The following PTGFRN variants were observed in gnomAD, a reference collection of about 807,000 sequenced individuals.
PTGFRN encodes prostaglandin F2 receptor inhibitor, also known as prostaglandin F2 receptor negative regulator.
Under a neutral mutation model 83.2 loss-of-function variants are expected in PTGFRN, and 35 were observed. The ratio of observed to expected loss-of-function variants is 0.42; its 90% CI spans 0.32 to 0.56. The LOEUF is 0.56. PTGFRN is among the 20% of genes least tolerant of loss of function. PTGFRN has a pLI of 0.11. For missense variants in PTGFRN, 1,051 were observed against 1,179.5 expected (o/e 0.89, Z 1.60); for synonymous variants, 519 against 498.6 (o/e 1.04, Z -0.55).
At position 116,986,839 on chromosome 1, in the gene PTGFRN, G is replaced by C. The variant is rs567014566; in HGVS notation, c.2512G>C (p.Gly838Arg). The C allele has an allele frequency of 6.2e-7, 1 of 1,614,128 alleles. No individual in the cohort carries two copies. The highest frequency in any genetic ancestry group is 1.7e-5 in the Admixed American group (1 of 60,032). ...AFKYPLLIGVGLSTVIGLLSC... is the reference protein window; with the variant it reads ...AFKYPLLIGVRLSTVIGLLSC... ...CAAGTATCCCTTGCTGATCGGCGTC[G>C]GTCTGTCCACGGTCATCGGGCTCCT... The change falls in exon 9 of 9, where the codon GGT (glycine) becomes CGT (arginine). Residue 838 changes from glycine (G) to arginine (R), a missense_variant. Transcript: ENST00000393203.
Position 116,975,047 on chromosome 1 carries a change from G to T in PTGFRN, c.2167+724G>T, listed in dbSNP as rs557886308. ...ACCCTAATACTGCGCTTTTCCTATG[G>T]TCTTAGCAAACGGCACACCAGGAGA... On this transcript the variant is annotated intron_variant, in intron 7 of 8. Transcript: ENST00000393203. Among the ~76,000 whole-genome samples, 11 of 152,342 alleles carry T rather than the reference G, an allele frequency of 7.2e-5. No individual in the cohort carries two copies. In the South Asian group the frequency reaches 2.3e-3, roughly 32 times the overall value.
chr1:116,911,827 C>T (rs1649280010), intron 1 of PTGFRN, among the ~76,000 whole-genome samples: 1 of 152,188 alleles, frequency 6.6e-6, no homozygotes, highest in Non-Finnish European at 1.5e-5. Context: ...TTAATCTTTA[C>T]TTTTCACTCT....
rs1012111337 is a variant in PTGFRN, at chr1:116,987,033, A to G, written c.*66A>G. On this transcript the variant is annotated 3_prime_UTR_variant, in exon 9 of 9. Transcript: ENST00000393203. ...CAATTGGGGCAAGAAGAGGACAGTG[A>G]TATTTTAAAACAAAGTGTGTTACAC... The G allele has an allele frequency of 1.9e-6, 3 of 1,578,952 alleles. No homozygotes were observed. The highest frequency in any genetic ancestry group is 2.7e-5 in the African/African-American group (2 of 74,082).
rs1041344620 is a variant in PTGFRN at position 116,961,482 on chromosome 1, G to A, written c.1453G>A (p.Asp485Asn). 6.2e-7 allele frequency: 1 copy of A among 1,614,170 alleles called. No homozygotes were observed. The highest frequency in any genetic ancestry group is 8.5e-7 in the Non-Finnish European group (1 of 1,180,020). Residue 485 changes from aspartate (D) to asparagine (N), a missense_variant, in exon 5 of 9, where the codon GAT becomes AAT. Asp to Asn is a conservative substitution (Grantham distance 23, BLOSUM62 1). This residue lies in a region of PTGFRN where 719 missense variants were observed against 836.6 expected (regional missense o/e 0.86). Coordinates refer to ENST00000393203, the MANE Select transcript of PTGFRN (RefSeq NM_020440.4). The surrounding 1 kb of genome is among the most constrained non-coding windows in gnomAD (Gnocchi z 5.4). ...AGAGAGGAGCAAGCAGCGGGCCCAG[G>A]ATGGAGACTTTATTTTTTCTAAGGA... is the stretch of plus-strand genomic sequence containing the variant. ...YGERSKQRAQ[D>N]GDFIFSKEHT...
intron 7 of PTGFRN, among the ~76,000 whole-genome samples, chr1:116,977,213 A>T (rs1196026550): frequency 6.6e-6 from 1 of 152,204 alleles, no homozygotes; most frequent in Non-Finnish European, 1.5e-5. Flanking sequence ...GAGCACCTAG[A>T]TTCATAAAAC....
rs1650072354 is a variant in PTGFRN, at chr1:116,941,906, C to T, written c.241C>T (p.Gln81Ter). The change falls in exon 2 of 9, where the codon CAG becomes TAG. Residue 81 changes from glutamine (Q) to a stop codon, truncating the protein, a stop_gained. Transcript: ENST00000393203. LOFTEE classifies it high-confidence loss of function. This position sits in a 1 kb window ranked among gnomAD's most constrained non-coding sequence, Gnocchi z 5.0. ...ASTWEVGFPA[Q>*]LYQERLQRGE... ...CACCTGGGAGGTGGGGTTCCCAGCC[C>T]AGCTGTACCAGGAGCGGCTGCAGAG... 1 of 1,614,030 alleles carries T rather than the reference C, an allele frequency of 6.2e-7. No individual in the cohort carries two copies. Among genetic ancestry groups the T allele is most frequent in the African/African-American group, 1.3e-5 (1 of 74,914 alleles).
At chr1:116,935,493 CAG>C (rs1649898822) in intron 1 of PTGFRN, among the ~76,000 whole-genome samples, 1 of 150,914 alleles carries the variant, frequency 6.6e-6, no homozygotes, top group African/African-American at 2.4e-5. Flanking sequence ...AGGGTGGGGG[CAG>C]GGGGTGGGGA....
intron 7 of PTGFRN, among the ~76,000 whole-genome samples, chr1:116,980,798 T>C (rs1017293262): frequency 2.6e-5 from 4 of 152,194 alleles, no homozygotes; most frequent in Admixed American, 2.6e-4. Flanking sequence ...GGCACATGTA[T>C]ACATATGTAA....
At chr1:116,931,607 T>C (rs2478766) in intron 1 of PTGFRN, among the ~76,000 whole-genome samples, 1 of 151,692 alleles carries the variant, frequency 6.6e-6, no homozygotes, top group African/African-American at 2.4e-5. Flanking sequence ...TTCTCTGCTG[T>C]CTATAGCTTG....
rs560280950 is a variant in PTGFRN at position 116,913,696 on chromosome 1, T to C, written c.49+3444T>C. ...ATGTCCCTATTACGAATAGGATATA[T>C]AACTCATACTGGTTGTTTGATACAT... is the stretch of plus-strand genomic sequence containing the variant. On this transcript the variant is annotated intron_variant, in intron 1 of 8. Coordinates refer to ENST00000393203, the MANE Select transcript of PTGFRN (RefSeq NM_020440.4). Among the ~76,000 whole-genome samples the C allele has an allele frequency of 8.5e-5, 13 of 152,362 alleles. No individual in the cohort carries two copies. In the South Asian group the frequency reaches 2.7e-3, roughly 32 times the overall value.
At chr1:116,959,720 TC>T (rs1650593998) in intron 4 of PTGFRN, among the ~76,000 whole-genome samples, 1 of 152,122 alleles carries the variant, frequency 6.6e-6, no homozygotes, top group South Asian at 2.1e-4. Flanking sequence ...GTTCCTGTAA[TC>T]CCAGCACTTT....
At chr1:116,986,751 G>T in intron 8 of PTGFRN, 50 bp from the exon 9 acceptor site, 1 of 1,574,948 alleles carries the variant, frequency 6.3e-7, no homozygotes. Context: ...CCCCCAAAGC[G>T]GCCTCCCTCG....
Position 116,961,125 on chromosome 1 carries a change from C to A in PTGFRN, c.1214-118C>A. On this transcript the variant is annotated intron_variant, in intron 4 of 8. Transcript: ENST00000393203. The surrounding 1 kb of genome is among the most constrained non-coding windows in gnomAD (Gnocchi z 5.4). ...ACGACTGATTTCTGTCTCTCTAGTC[C>A]GGCAGGAGAAGCATTTAATTGTTAA... 9.0e-7 allele frequency: 1 copy of A among 1,111,478 alleles called. No individual in the cohort carries two copies. The highest frequency in any genetic ancestry group is 1.2e-6 in the Non-Finnish European group (1 of 822,856). The allele number at this position is 1,111,478 out of a possible 1,614,324, so 68.9% of individuals were successfully genotyped here.
At chr1:116,947,335 T>G (rs1650226336) in intron 3 of PTGFRN, among the ~76,000 whole-genome samples, 1 of 152,254 alleles carries the variant, frequency 6.6e-6, no homozygotes, top group Non-Finnish European at 1.5e-5. Flanking sequence ...GATTTAGTTA[T>G]ATTCAGGGAC....
chr1:116,955,389 AACC>A (rs1266247236), intron 4 of PTGFRN, among the ~76,000 whole-genome samples: 12 of 152,254 alleles, frequency 7.9e-5, no homozygotes, highest in African/African-American at 2.9e-4. Flanking sequence ...TTGAAGAAAT[AACC>A]ACCAACTTCA....
At position 116,949,203 on chromosome 1, in the gene PTGFRN, G is replaced by C; in HGVS notation, c.844G>C (p.Ala282Pro). The C allele has an allele frequency of 6.3e-7, 1 of 1,586,408 alleles. No homozygotes were observed. The highest frequency in any genetic ancestry group is 8.6e-7 in the Non-Finnish European group (1 of 1,163,022). Residue 282 changes from alanine (A) to proline (P), a missense_variant, in exon 4 of 9, where the codon GCT (alanine) becomes CCT (proline). By Grantham distance (27) the Ala-to-Pro change is conservative (BLOSUM62 -1). Transcript: ENST00000393203. ...TTTTAATTTTCAAGTTCTGCGAGCAGCTGTGCCCAAGAATGTGTCTGTGGC... is the reference window on the plus strand; with the variant it reads ...TTTTAATTTTCAAGTTCTGCGAGCACCTGTGCCCAAGAATGTGTCTGTGGC... ...VVIQPSVLRAAVPKNVSVAEG... is the reference protein window; with the variant it reads ...VVIQPSVLRAPVPKNVSVAEG...
Position 116,986,828 on chromosome 1 carries a change from T to G in PTGFRN, c.2501T>G (p.Leu834Arg). ...DVLNAFKYPL[L>R]IGVGLSTVIG... ...CTGAACGCCTTCAAGTATCCCTTGC[T>G]GATCGGCGTCGGTCTGTCCACGGTC... is the stretch of plus-strand genomic sequence containing the variant. The change falls in exon 9 of 9, where the codon CTG becomes CGG. Residue 834 changes from leucine (L) to arginine (R), a missense_variant. Transcript: ENST00000393203. 6.2e-7 allele frequency: 1 copy of G among 1,614,204 alleles called. No individual in the cohort carries two copies. Among genetic ancestry groups the G allele is most frequent in the Non-Finnish European group, 8.5e-7 (1 of 1,180,012 alleles).
In PTGFRN at chr1:116,967,318, T is replaced by A. The variant is rs1187051553; in HGVS notation, c.2047T>A (p.Phe683Ile). ...TSLSNPIEID[F>I]QTSGPIFNAS... ...TCTCTCCAATCCTATTGAGATAGAC[T>A]TCCAAACCTCAGGTGAGCAGTGAGC... Residue 683 changes from phenylalanine (F) to isoleucine (I), a missense_variant, in exon 6 of 9, where the codon TTC (phenylalanine) becomes ATC (isoleucine). This residue lies in a region of PTGFRN where 719 missense variants were observed against 836.6 expected (regional missense o/e 0.86). Coordinates refer to ENST00000393203, the MANE Select transcript of PTGFRN (RefSeq NM_020440.4). 1.2e-6 allele frequency: 2 copies of A among 1,610,026 alleles called. No individual in the cohort carries two copies. The highest frequency in any genetic ancestry group is 1.7e-6 in the Non-Finnish European group (2 of 1,176,582).
At position 116,986,832 on chromosome 1, in the gene PTGFRN, C is replaced by G; in HGVS notation, c.2505C>G (p.Ile835Met). The part of the protein sequence containing the change: ...VLNAFKYPLL[I>M]GVGLSTVIGL... ...ACGCCTTCAAGTATCCCTTGCTGAT[C>G]GGCGTCGGTCTGTCCACGGTCATCG... The change falls in exon 9 of 9, where the codon ATC becomes ATG. Residue 835 changes from isoleucine to methionine, a missense_variant. Transcript: ENST00000393203. 6.2e-7 allele frequency: 1 copy of G among 1,614,114 alleles called. No individual in the cohort carries two copies. The highest frequency in any genetic ancestry group is 8.5e-7 in the Non-Finnish European group (1 of 1,179,970).
Sources: gnomAD v4.1 joint callset for allele counts (sites outside exome capture counted in the v4.1 genomes callset) on GRCh38, gnomAD v4.1.1 for gene constraint, gnomAD v4.1.1 regional missense constraint, Gnocchi (gnomAD v3.1) non-coding constraint, MANE v1.5 for transcripts, NCBI Gene and HGNC (gene_info 2026-07-23, HGNC 2026-07-21) for gene names.